Variants in FYB1 observed in about 807,000 individuals in gnomAD.
FYB1 encodes the protein FYN-binding protein 1.
A neutral mutation model predicts 94.1 loss-of-function variants in FYB1; 41 were observed. That is an observed-to-expected ratio of 0.44 (90% CI 0.34 to 0.57). The LOEUF (loss-of-function observed/expected upper bound fraction) is 0.57. FYB1 is among the 20% of genes least tolerant of loss of function. FYB1 has a pLI of 0.02. For synonymous variants in FYB1, 367 were observed against 353.2 expected (o/e 1.04, Z -0.44); for missense variants, 1,050 against 976.8 (o/e 1.07, Z -1.00).
intron 2 of FYB1, among the ~76,000 whole-genome samples, chr5:39,200,951 C>T (rs974236455): frequency 1.1e-4 from 16 of 152,160 alleles, no homozygotes; most frequent in Admixed American, 5.9e-4. Context: ...CATGCAGTCA[C>T]TCAGTACCAC....
At position 39,117,693 on chromosome 5, in the gene FYB1, C is replaced by G. The variant is rs572656807; in HGVS notation, c.2401+1181G>C. ...CATTTCAATTCCTGTCCCTGAGTCA[C>G]CTTCCTCCCATTAAAATTAAACTTA... On this transcript the variant is annotated intron_variant, in intron 16 of 18. Transcript: ENST00000512982. Among the ~76,000 whole-genome samples the G allele has an allele frequency of 6.6e-5, 10 of 152,248 alleles. No individual in the cohort carries two copies. In the East Asian group the frequency reaches 1.9e-3, roughly 29 times the overall value.
At chr5:39,134,829 G>A (rs774096810) in intron 8 of FYB1, 26 bp downstream of exon 8, 8 of 1,611,818 alleles carry the variant, frequency 5.0e-6, no homozygotes, top group Middle Eastern at 1.6e-4. Context: ...AAAATACTTC[G>A]AAGCCATAGA....
At chr5:39,154,745 C>T (rs113402739) in intron 2 of FYB1, among the ~76,000 whole-genome samples, 26,325 of 151,922 alleles carry the variant, frequency 0.17, 2,545 homozygotes, top group Non-Finnish European at 0.22. Flanking sequence ...CCATGCCCGC[C>T]GCTGTGCCCA....
intron 1 of FYB1, among the ~76,000 whole-genome samples, chr5:39,265,978 G>GTTT (rs142472884): frequency 1.4e-4 from 19 of 134,208 alleles, no homozygotes; most frequent in African/African-American, 4.9e-4. Context: ...AATTTTTACT[G>GTTT]TTTTTTTTTT....
At position 39,213,305 on chromosome 5, in the gene FYB1, G is replaced by A. The variant is rs200517919; in HGVS notation, c.-28+6138C>T. 9.2e-5 allele frequency among the ~76,000 whole-genome samples: 14 copies of A among 152,240 alleles called. No individual in the cohort carries two copies. In the East Asian group the frequency reaches 2.5e-3, roughly 27 times the overall value. On this transcript the variant is annotated intron_variant, in intron 1 of 18. Transcript: ENST00000512982. ...TTCTGTGCTCACCCTATATGCCATA[G>A]GAACCAGAGTTTTCATTGTCTTTGT... is the stretch of plus-strand genomic sequence containing the variant.
chr5:39,178,069 C>T (rs1360894314), intron 2 of FYB1, among the ~76,000 whole-genome samples: 2 of 152,148 alleles, frequency 1.3e-5, no homozygotes, highest in African/African-American at 4.8e-5. Flanking sequence ...TGCAGCATTT[C>T]CCCCAAAGTT....
intron 1 of FYB1, among the ~76,000 whole-genome samples, chr5:39,233,550 A>C (rs1579749929): frequency 6.6e-6 from 1 of 152,192 alleles, no homozygotes; most frequent in Non-Finnish European, 1.5e-5. Context: ...TTTACTTATT[A>C]ATGCATTTAA....
intron 2 of FYB1, among the ~76,000 whole-genome samples, chr5:39,180,894 G>A (rs1746160701): frequency 6.6e-6 from 1 of 152,088 alleles, no homozygotes; most frequent in Non-Finnish European, 1.5e-5. Flanking sequence ...TAGCTATTTT[G>A]TCAGTATAAG....
intron 2 of FYB1, among the ~76,000 whole-genome samples, chr5:39,200,508 AC>A (rs1195404160): frequency 1.3e-5 from 2 of 152,170 alleles, no homozygotes; most frequent in African/African-American, 4.8e-5. Context: ...GAAATAAGGG[AC>A]CTTTTAGAAA....
intron 3 of FYB1, among the ~76,000 whole-genome samples, chr5:39,142,543 C>G (rs1299456325): frequency 6.6e-6 from 1 of 152,166 alleles, no homozygotes; most frequent in African/African-American, 2.4e-5. Flanking sequence ...CCTTACTTCA[C>G]TCTTTGCCCT....
In FYB1 at chr5:39,202,600, G is replaced by T. The variant is rs1239695871; in HGVS notation, c.361C>A (p.Pro121Thr). 1 of 1,613,848 alleles carries T rather than the reference G, an allele frequency of 6.2e-7. No homozygotes were observed. The highest frequency in any genetic ancestry group is 1.1e-5 in the South Asian group (1 of 91,060). The change falls in exon 2 of 19, where the codon CCC (proline) becomes ACC (threonine). Residue 121 changes from proline to threonine, a missense_variant. Coordinates refer to ENST00000512982, the MANE Select transcript of FYB1 (RefSeq NM_001465.6). ...AATGTAGGTTTGGAATCTTCTTTGG[G>T]CAAGTTGATGGGCTTGGGGCCTACA... ...KPVGPKPINL[P>T]KEDSKPTFPW...
At chr5:39,203,048 A>G (rs1213084548) in intron 1 of FYB1, 61 bp from the exon 2 acceptor site, 2 of 1,438,640 alleles carry the variant, frequency 1.4e-6, no homozygotes, top group Non-Finnish European at 1.9e-6. Flanking sequence ...ACAGTTTAAA[A>G]TACTATACCT....
At chr5:39,128,054 A>G (rs1437167985) in intron 10 of FYB1, among the ~76,000 whole-genome samples, 1 of 152,154 alleles carries the variant, frequency 6.6e-6, no homozygotes, top group African/African-American at 2.4e-5. Flanking sequence ...GTGCAAAAAC[A>G]TGAGAAAAAG....
intron 1 of FYB1, chr5:39,209,043 A>ATG (rs982681454): frequency 3.2e-5 from 3 of 93,872 alleles, no homozygotes; most frequent in Admixed American, 1.2e-4. Context: ...CACACACACA[A>ATG]TGCGCACACA....
chr5:39,218,538 A>T (rs2150547961), intron 1 of FYB1, among the ~76,000 whole-genome samples: 1 of 152,346 alleles, frequency 6.6e-6, no homozygotes, highest in African/African-American at 2.4e-5. Flanking sequence ...AATATTTAAA[A>T]TGGTGAATAT....
intron 1 of FYB1, among the ~76,000 whole-genome samples, chr5:39,231,163 AAAAAAAAACAAAAAAAAC>A: frequency 8.4e-6 from 1 of 118,986 alleles, no homozygotes; most frequent in South Asian, 2.6e-4. Flanking sequence ...AAAAAAAAAC[AAAAAAAAACAAAAAAAAC>A]AAAACAGCTG....
chr5:39,241,856 T>C (rs1751222896), intron 1 of FYB1, among the ~76,000 whole-genome samples: 1 of 151,958 alleles, frequency 6.6e-6, no homozygotes, highest in Non-Finnish European at 1.5e-5. Context: ...CTGGAGGGCA[T>C]CTTTTTAATA....
chr5:39,175,374 T>C (rs1235790568), intron 2 of FYB1, among the ~76,000 whole-genome samples: 1 of 152,106 alleles, frequency 6.6e-6, no homozygotes, highest in Non-Finnish European at 1.5e-5. Context: ...CGGTGAACAT[T>C]GTTGGATTGA....
chr5:39,202,222 T>C lies in FYB1; in HGVS notation c.739A>G (p.Asn247Asp), dbSNP rs200951896. ...PLKPAREDSE[N>D]KDHAGEISSL... ...GAAATCTCCCCTGCATGGTCTTTAT[T>C]TTCTGAGTCTTCCCTTGCTGGTTTT... Residue 247 changes from asparagine to aspartate, a missense_variant, in exon 2 of 19, where the codon AAT (asparagine) becomes GAT (aspartate). Transcript: ENST00000512982. The C allele has an allele frequency of 3.1e-5, 50 of 1,613,876 alleles. No homozygotes were observed. Among genetic ancestry groups the C allele is most frequent in the East Asian group, 6.7e-5 (3 of 44,884 alleles).
Sources: gnomAD v4.1 joint callset for allele counts (sites outside exome capture counted in the v4.1 genomes callset) on GRCh38, gnomAD v4.1.1 for gene constraint, MANE v1.5 for transcripts, NCBI Gene and HGNC (gene_info 2026-07-23, HGNC 2026-07-21) for gene names.